C2CD2: variants seen among roughly 807,000 people sequenced by gnomAD.
The protein encoded by C2CD2 is C2 calcium dependent domain containing 2, also known as C2 domain-containing protein 2.
C2CD2 carries 43 observed loss-of-function variants against 74.3 expected under a neutral mutation model. The observed-to-expected ratio is 0.58, with a 90% CI of 0.45 to 0.75. The LOEUF is 0.75. Ranked by LOEUF, C2CD2 falls within the 30% of genes least tolerant of loss-of-function variation. The pLI is 0.00. For synonymous variants in C2CD2, 422 were observed against 390.7 expected (o/e 1.08, Z -0.94); for missense variants, 801 against 916.3 (o/e 0.87, Z 1.63).
intron 1 of C2CD2, among the ~76,000 whole-genome samples, chr21:41,951,150 G>A (rs1386739354): frequency 3.9e-5 from 6 of 152,066 alleles, no homozygotes; most frequent in African/African-American, 9.7e-5. Context: ...TGTGACAATC[G>A]CTGGACTCGG....
chr21:41,924,323 G>C lies in C2CD2; in HGVS notation c.379-2238C>G, dbSNP rs752125525. On this transcript the variant is annotated intron_variant, in intron 2 of 13. Coordinates refer to ENST00000380486, the MANE Select transcript of C2CD2 (RefSeq NM_015500.2). This position sits in a 1 kb window ranked among gnomAD's most constrained non-coding sequence, Gnocchi z 4.4. ...ACCTGGGCACTAAGGCCCGGGCAGG[G>C]GTCAACATCCAATATCCACAACCAA... 7.9e-5 allele frequency among the ~76,000 whole-genome samples: 12 copies of C among 152,090 alleles called. No individual in the cohort carries two copies. The highest frequency in any genetic ancestry group is 1.6e-4 in the Non-Finnish European group (11 of 68,024).
intron 3 of C2CD2, among the ~76,000 whole-genome samples, chr21:41,919,240 A>C (rs1256532869): frequency 6.6e-6 from 1 of 152,180 alleles, no homozygotes; most frequent in East Asian, 1.9e-4. Context: ...GCATGTGAGC[A>C]CGTGTGCCTG....
intron 1 of C2CD2, chr21:41,943,101 G>T: frequency 5.5e-6 from 1 of 182,158 alleles, no homozygotes. Flanking sequence ...AGCAGTTCGA[G>T]ACCAGCCTGG....
chr21:41,919,799 C>T (rs1331235477), intron 3 of C2CD2, among the ~76,000 whole-genome samples: 1 of 152,176 alleles, frequency 6.6e-6, no homozygotes, highest in African/African-American at 2.4e-5. Context: ...GATGTTCACC[C>T]CCTAATCCCT....
intron 4 of C2CD2, among the ~76,000 whole-genome samples, chr21:41,918,499 C>T (rs181756707): frequency 3.4e-4 from 52 of 152,290 alleles, no homozygotes; most frequent in South Asian, 8.3e-4. Context: ...CAGGTACCTA[C>T]GGTGTCATTA....
intron 9 of C2CD2, 69 bp downstream of exon 9, chr21:41,907,591 T>C (rs2064977869): frequency 1.3e-6 from 2 of 1,541,314 alleles, no homozygotes; most frequent in Non-Finnish European, 8.8e-7. Flanking sequence ...TCTGCAGACA[T>C]AAGTGAAGAC....
chr21:41,918,687 A>G (rs1051035453), intron 4 of C2CD2, among the ~76,000 whole-genome samples, 169 bp downstream of exon 4: 2 of 152,094 alleles, frequency 1.3e-5, no homozygotes, highest in Non-Finnish European at 2.9e-5. Flanking sequence ...CTGCCAAGCC[A>G]AAGGGCCCAT....
intron 8 of C2CD2, 42 bp from the exon 9 acceptor site, chr21:41,907,826 C>T: frequency 6.2e-7 from 1 of 1,612,920 alleles, no homozygotes; most frequent in Non-Finnish European, 8.5e-7. Flanking sequence ...GCTGATGTTT[C>T]CCGGGCTTCC....
Position 41,949,947 on chromosome 21 carries a change from A to G in C2CD2, c.279+3423T>C, listed in dbSNP as rs147716867. ...GGTGGGAGTTGAACAATGAGAACAC[A>G]TGGACACAGGGCGGGCAACATCACA... On this transcript the variant is annotated intron_variant, in intron 1 of 13. Transcript: ENST00000380486. 3.4e-3 allele frequency among the ~76,000 whole-genome samples: 524 copies of G among 152,276 alleles called. 5 individuals carry two copies. Among genetic ancestry groups the G allele is most frequent in the African/African-American group, 0.012 (499 of 41,542 alleles).
intron 2 of C2CD2, among the ~76,000 whole-genome samples, chr21:41,933,042 G>A (rs1206236053): frequency 6.7e-6 from 1 of 150,316 alleles, no homozygotes; most frequent in Non-Finnish European, 1.5e-5. Context: ...GATCAGAGAT[G>A]GCATTACATA....
At chr21:41,950,395 G>C (rs775606592) in intron 1 of C2CD2, among the ~76,000 whole-genome samples, 19 of 152,318 alleles carry the variant, frequency 1.2e-4, no homozygotes, top group Non-Finnish European at 1.9e-4. Flanking sequence ...GCAAATCACT[G>C]TCACATATAA....
At chr21:41,950,335 C>T (rs376605398) in intron 1 of C2CD2, among the ~76,000 whole-genome samples, 3 of 152,164 alleles carry the variant, frequency 2.0e-5, no homozygotes, top group Non-Finnish European at 4.4e-5. Flanking sequence ...GCACACCTGG[C>T]GTCCACCTGG....
chr21:41,938,167 G>GTGTA (rs529536959), intron 2 of C2CD2, among the ~76,000 whole-genome samples: 16 of 147,054 alleles, frequency 1.1e-4, no homozygotes, highest in African/African-American at 3.7e-4. Context: ...TTCCACACGT[G>GTGTA]TATATATATA....
chr21:41,923,272 C>G lies in C2CD2; in HGVS notation c.379-1187G>C, dbSNP rs936438576. Among the ~76,000 whole-genome samples, 46 of 152,164 alleles carry G rather than the reference C, an allele frequency of 3.0e-4. No homozygotes were observed. Among genetic ancestry groups the G allele is most frequent in the Non-Finnish European group, 1.5e-5 (1 of 68,032 alleles). ...CCTTCCAAAGTGCTAGGATTACAGG[C>G]ATGAGCCACCGTGCCCGGCCAACAA... On this transcript the variant is annotated intron_variant, in intron 2 of 13. Coordinates refer to ENST00000380486, the MANE Select transcript of C2CD2 (RefSeq NM_015500.2). This position sits in a 1 kb window ranked among gnomAD's most constrained non-coding sequence, Gnocchi z 5.8.
intron 3 of C2CD2, among the ~76,000 whole-genome samples, chr21:41,921,108 C>T (rs1160004531): frequency 6.6e-6 from 1 of 152,194 alleles, no homozygotes; most frequent in African/African-American, 2.4e-5. Context: ...CTTGTTAGTG[C>T]TGGCTATTTA....
At chr21:41,890,689 G>A (rs571495245) in intron 13 of C2CD2, among the ~76,000 whole-genome samples, 199 of 152,206 alleles carry the variant, frequency 1.3e-3, no homozygotes, top group Non-Finnish European at 2.4e-3. Flanking sequence ...CAATAGCCAC[G>A]ACATATGCAA....
chr21:41,922,807 T>C (rs1291003614), intron 2 of C2CD2, among the ~76,000 whole-genome samples: 1 of 152,152 alleles, frequency 6.6e-6, no homozygotes, highest in Non-Finnish European at 1.5e-5. Context: ...ATCTGGACTT[T>C]ATATGTTAGC....
chr21:41,891,299 G>A (rs1038382067), intron 13 of C2CD2, among the ~76,000 whole-genome samples: 4 of 152,220 alleles, frequency 2.6e-5, no homozygotes, highest in Non-Finnish European at 4.4e-5. Flanking sequence ...GGACATCAGT[G>A]TCAGTTCCTG....
At chr21:41,918,083 C>A in intron 5 of C2CD2, 22 bp downstream of exon 5, 1 of 1,613,794 alleles carries the variant, frequency 6.2e-7, no homozygotes, top group Non-Finnish European at 8.5e-7. Flanking sequence ...CAGATGCACC[C>A]ACAGCACCCA....
Sources: gnomAD v4.1 joint callset for allele counts (sites outside exome capture counted in the v4.1 genomes callset) on GRCh38, gnomAD v4.1.1 for gene constraint, Gnocchi (gnomAD v3.1) non-coding constraint, MANE v1.5 for transcripts, NCBI Gene and HGNC (gene_info 2026-07-23, HGNC 2026-07-21) for gene names.